APPBP2: variants seen among roughly 807,000 people sequenced by gnomAD.
The protein encoded by APPBP2 is amyloid beta precursor protein binding protein 2.
APPBP2 carries 15 observed loss-of-function variants against 76.0 expected under a neutral mutation model. The observed-to-expected ratio is 0.20, with a 90% CI of 0.13 to 0.30. The LOEUF (loss-of-function observed/expected upper bound fraction) is 0.30, where lower values mean the gene tolerates loss of function less well. Among genes scored for constraint, APPBP2 ranks in the 10% least tolerant of loss-of-function variants. The pLI, the probability that APPBP2 is intolerant of heterozygous loss-of-function variation, is 1.00. For missense variants in APPBP2, 401 were observed against 687.2 expected, an observed-to-expected ratio of 0.58 and a Z score of 4.66; for synonymous variants, 222 against 242.2, an observed-to-expected ratio of 0.92 and a Z score of 0.77.
intron 1 of APPBP2, among the ~76,000 whole-genome samples, chr17:60,510,059 A>G (rs962564637): frequency 6.6e-6 from 1 of 150,680 alleles, no homozygotes; most frequent in African/African-American, 2.5e-5. Flanking sequence ...TTTAACAAAC[A>G]TGAGTTATCG....
intron 1 of APPBP2, among the ~76,000 whole-genome samples, chr17:60,523,079 T>C (rs751557860): frequency 3.3e-5 from 5 of 152,018 alleles, no homozygotes; most frequent in African/African-American, 4.8e-5. Context: ...ATGGGGAAAT[T>C]TGATTCCACA....
intron 4 of APPBP2, among the ~76,000 whole-genome samples, chr17:60,471,278 C>T (rs906528115): frequency 7.9e-5 from 12 of 152,026 alleles, no homozygotes; most frequent in South Asian, 2.1e-4. Flanking sequence ...TATAGTTTTA[C>T]TTCTTCCTTT....
chr17:60,449,940 G>T (rs1293031366), intron 12 of APPBP2, among the ~76,000 whole-genome samples: 1 of 151,816 alleles, frequency 6.6e-6, no homozygotes, highest in Non-Finnish European at 1.5e-5. Flanking sequence ...GGGATTACAG[G>T]CGTACTGTAC....
intron 1 of APPBP2, among the ~76,000 whole-genome samples, chr17:60,503,637 T>C (rs2090841035): frequency 6.8e-6 from 1 of 146,442 alleles, no homozygotes; most frequent in Non-Finnish European, 1.5e-5. Flanking sequence ...CCGCCTGCCT[T>C]AGCCTCCCAA....
In APPBP2 at chr17:60,491,995, T is replaced by C. The variant is rs947907331; in HGVS notation, c.379+2471A>G. The stretch of plus-strand genomic sequence containing the variant: ...GGCCTAGGAGGAAAAAATGGTTTTG[T>C]GAGTTGAGCCCAGGGCCCCCCTGCT... On this transcript the variant is annotated intron_variant, in intron 3 of 12. Coordinates refer to ENST00000083182, the MANE Select transcript of APPBP2 (RefSeq NM_006380.5). Among the ~76,000 whole-genome samples, 3 of 152,126 alleles carry C rather than the reference T, an allele frequency of 2.0e-5. No individual in the cohort carries two copies. In the East Asian group the frequency reaches 5.8e-4, roughly 29 times the overall value.
At chr17:60,494,753 C>T (rs755576736) in intron 2 of APPBP2, 136 bp from the exon 3 acceptor site, 56 of 787,924 alleles carry the variant, frequency 7.1e-5, no homozygotes, top group Non-Finnish European at 9.9e-5. Flanking sequence ...TTTGCCTTAT[C>T]AATTACAAGG....
intron 1 of APPBP2, chr17:60,513,413 G>T: frequency 1.5e-6 from 1 of 666,176 alleles, no homozygotes; most frequent in South Asian, 1.6e-5. Context: ...ATCACCTATC[G>T]GGATTCAATT....
At chr17:60,457,418 GTTTTGT>G (rs1163174161) in intron 9 of APPBP2, among the ~76,000 whole-genome samples, 1 of 151,292 alleles carries the variant, frequency 6.6e-6, no homozygotes, top group Non-Finnish European at 1.5e-5. Flanking sequence ...GGTTTTTTTT[GTTTTGT>G]TTTTGTTTGT....
At chr17:60,492,231 A>G (rs899803384) in intron 3 of APPBP2, among the ~76,000 whole-genome samples, 2 of 152,218 alleles carry the variant, frequency 1.3e-5, no homozygotes, top group Non-Finnish European at 2.9e-5. Context: ...GAACGCCTGC[A>G]TGTCCAGGCA....
At chr17:60,512,791 C>CA (rs60268691) in intron 1 of APPBP2, among the ~76,000 whole-genome samples, 137,560 of 141,696 alleles carry the variant, frequency 0.97, 66,798 homozygotes, top group East Asian at 1. Context: ...GCCGAGACTG[C>CA]CCATTACACT....
rs151268647 is a variant in APPBP2 at position 60,493,479 on chromosome 17, C to A, written c.379+987G>T. On this transcript the variant is annotated intron_variant, in intron 3 of 12. Transcript: ENST00000083182. ...AGCACACAAAACATTTTTCTAACTA[C>A]TTTTATATTTATCATTTATTTTTAA... Among the ~76,000 whole-genome samples the A allele has an allele frequency of 6.6e-5, 10 of 152,106 alleles. No homozygotes were observed. The East Asian group carries it at 1.9e-3, about 29-fold the overall frequency.
intron 4 of APPBP2, among the ~76,000 whole-genome samples, chr17:60,477,888 C>A (rs1398455579): frequency 6.6e-6 from 1 of 151,518 alleles, no homozygotes; most frequent in Non-Finnish European, 1.5e-5. Context: ...TGCCTGTAAT[C>A]CCAGAACTTT....
intron 5 of APPBP2, among the ~76,000 whole-genome samples, chr17:60,465,617 C>T (rs368770701): frequency 2.6e-5 from 4 of 152,104 alleles, no homozygotes; most frequent in East Asian, 3.9e-4. Context: ...GCCTGTAATC[C>T]CAGCACTTCA....
At chr17:60,509,627 A>AC (rs753960651) in intron 1 of APPBP2, among the ~76,000 whole-genome samples, 38 of 151,852 alleles carry the variant, frequency 2.5e-4, no homozygotes, top group Non-Finnish European at 5.4e-4. Flanking sequence ...ACATAGAAAA[A>AC]CCCCATCTCT....
intron 9 of APPBP2, among the ~76,000 whole-genome samples, chr17:60,458,471 G>C (rs1297504153): frequency 6.6e-6 from 1 of 151,564 alleles, no homozygotes; most frequent in African/African-American, 2.4e-5. Flanking sequence ...AAAACTTCCT[G>C]TTTTCTTTAT....
At chr17:60,471,689 C>G (rs978815165) in intron 4 of APPBP2, among the ~76,000 whole-genome samples, 1 of 151,700 alleles carries the variant, frequency 6.6e-6, no homozygotes, top group African/African-American at 2.4e-5. Context: ...AGTGTAAAAT[C>G]CTTTTAATAT....
chr17:60,490,989 G>T (rs1287111006), intron 3 of APPBP2, among the ~76,000 whole-genome samples: 1 of 152,142 alleles, frequency 6.6e-6, no homozygotes, highest in Non-Finnish European at 1.5e-5. Context: ...AAGTAAACTG[G>T]TGCCAGCAGA....
At chr17:60,498,236 C>T (rs761262794) in intron 2 of APPBP2, among the ~76,000 whole-genome samples, 57 of 152,046 alleles carry the variant, frequency 3.7e-4, no homozygotes, top group Non-Finnish European at 5.3e-4. Flanking sequence ...CTTTCTTGAA[C>T]TCAAAAAGCT....
At chr17:60,495,705 A>C (rs1054791068) in intron 2 of APPBP2, among the ~76,000 whole-genome samples, 4 of 152,116 alleles carry the variant, frequency 2.6e-5, no homozygotes, top group African/African-American at 9.7e-5. Flanking sequence ...GTGGGATTAT[A>C]AAATGATATG....
Sources: allele counts gnomAD v4.1 joint callset (sites outside exome capture counted in the v4.1 genomes callset), GRCh38; gene constraint gnomAD v4.1.1; transcripts MANE v1.5; gene names NCBI Gene and HGNC (gene_info 2026-07-23, HGNC 2026-07-21).